The following SSBP2 variants were observed in gnomAD, a reference collection of about 807,000 sequenced individuals.
The protein encoded by SSBP2 is single-stranded DNA-binding protein 2.
In SSBP2, 17 loss-of-function variants were observed where a neutral mutation model predicts 61.8. The observed-to-expected ratio is 0.28, with a 90% CI of 0.19 to 0.41. SSBP2 has a LOEUF of 0.41. Ranked by LOEUF, SSBP2 falls within the 10% of genes least tolerant of loss-of-function variation. The pLI is 1.00. For synonymous variants in SSBP2, 139 were observed against 141.3 expected (o/e 0.98, Z 0.12); for missense variants, 310 against 458.7 (o/e 0.68, Z 2.96).
Position 81,540,111 on chromosome 5 carries a change from A to T in SSBP2, c.283-26394T>A, listed in dbSNP as rs550001095. ...GGCTGCATAGTATTCCATGGTGTATATGTGCCACATTTTCTTTATCCAGTC... is the reference window on the plus strand; with the variant it reads ...GGCTGCATAGTATTCCATGGTGTATTTGTGCCACATTTTCTTTATCCAGTC... On this transcript the variant is annotated intron_variant, in intron 4 of 16. Transcript: ENST00000320672. Among the ~76,000 whole-genome samples the T allele has an allele frequency of 2.6e-5, 4 of 152,166 alleles. No individual in the cohort carries two copies. In the South Asian group the frequency reaches 6.2e-4, roughly 24 times the overall value.
intron 4 of SSBP2, among the ~76,000 whole-genome samples, chr5:81,559,150 G>A (rs141356450): frequency 0.042 from 6,366 of 152,102 alleles, 444 homozygotes; most frequent in African/African-American, 0.14. Flanking sequence ...CACTTTGAGA[G>A]GCCAAGGCAG....
chr5:81,704,186 T>C, intron 1 of SSBP2, among the ~76,000 whole-genome samples: 1 of 152,240 alleles, frequency 6.6e-6, no homozygotes, highest in Admixed American at 6.5e-5. Context: ...CACTGAGGCA[T>C]ATAATTAATG....
intron 5 of SSBP2, among the ~76,000 whole-genome samples, chr5:81,497,875 A>G (rs935240220): frequency 2.6e-5 from 4 of 152,242 alleles, no homozygotes; most frequent in South Asian, 2.1e-4. Context: ...GCACAAAAGG[A>G]TATCAGGTTA....
chr5:81,428,571 AAGGG>A lies in SSBP2; in HGVS notation c.1056+10_1056+13del, dbSNP rs1561385033. ...AATAAAATTTGAGTATAATATAGTC[AAGGG>A]AATACTTACACTCTCACTCTGAAAA... On this transcript the variant is annotated intron_variant, in intron 16 of 16. Coordinates refer to ENST00000320672, the MANE Select transcript of SSBP2 (RefSeq NM_012446.5). The A allele has an allele frequency of 6.3e-7, 1 of 1,598,238 alleles. No homozygotes were observed. The highest frequency in any genetic ancestry group is 8.6e-7 in the Non-Finnish European group (1 of 1,166,074).
chr5:81,590,871 G>T (rs886129447), intron 4 of SSBP2, among the ~76,000 whole-genome samples: 1 of 152,178 alleles, frequency 6.6e-6, no homozygotes, highest in Non-Finnish European at 1.5e-5. Flanking sequence ...TGGGGAAGAA[G>T]TAGGAAAACA....
Position 81,483,807 on chromosome 5 carries a change from T to C in SSBP2, c.432+5443A>G, listed in dbSNP as rs555002309. 4.3e-4 allele frequency among the ~76,000 whole-genome samples: 66 copies of C among 152,262 alleles called. 2 individuals carry two copies. In the South Asian group the frequency reaches 0.013, roughly 31 times the overall value. Reference sequence around the variant, plus strand: ...CACATTTATACTTTTCTTTTTTCTATATTTCAACAACTGCAACTGTGCTGT... The same window carrying C: ...CACATTTATACTTTTCTTTTTTCTACATTTCAACAACTGCAACTGTGCTGT... On this transcript the variant is annotated intron_variant, in intron 6 of 16. Transcript: ENST00000320672.
At chr5:81,668,988 T>C (rs1010691946) in intron 1 of SSBP2, among the ~76,000 whole-genome samples, 3 of 152,188 alleles carry the variant, frequency 2.0e-5, no homozygotes, top group Non-Finnish European at 2.9e-5. Flanking sequence ...GAAAAAAGTA[T>C]ATAAAAAGTT....
At chr5:81,638,459 G>T (rs1423263801) in intron 2 of SSBP2, among the ~76,000 whole-genome samples, 1 of 151,822 alleles carries the variant, frequency 6.6e-6, no homozygotes, top group Non-Finnish European at 1.5e-5. Context: ...GGAGGCAGAG[G>T]TTGCAGTGAG....
chr5:81,531,063 A>AAAACC (rs1770356985), intron 4 of SSBP2, among the ~76,000 whole-genome samples: 1 of 151,672 alleles, frequency 6.6e-6, no homozygotes, highest in Non-Finnish European at 1.5e-5. Context: ...AACCAAAACC[A>AAAACC]AAACCAAACC....
chr5:81,622,099 A>C (rs1390702246), intron 3 of SSBP2, among the ~76,000 whole-genome samples: 2 of 143,110 alleles, frequency 1.4e-5, no homozygotes, highest in Non-Finnish European at 3.1e-5. Context: ...TAAAACTTAG[A>C]GTATAATAAA....
chr5:81,508,967 G>C (rs947073781), intron 5 of SSBP2, among the ~76,000 whole-genome samples: 1 of 152,086 alleles, frequency 6.6e-6, no homozygotes, highest in Non-Finnish European at 1.5e-5. Context: ...CTCAAAATAA[G>C]CTTTGCATTT....
chr5:81,750,333 C>G (rs1222605257), intron 1 of SSBP2, among the ~76,000 whole-genome samples: 2 of 147,380 alleles, frequency 1.4e-5, no homozygotes, highest in African/African-American at 4.9e-5. Context: ...GCCCGGACGC[C>G]CAACCCGCAC....
chr5:81,610,259 A>G (rs1283920007), intron 4 of SSBP2, among the ~76,000 whole-genome samples: 1 of 152,178 alleles, frequency 6.6e-6, no homozygotes, highest in East Asian at 1.9e-4. Flanking sequence ...ACTGAGAAAA[A>G]TCCTGTGTCA....
At chr5:81,461,135 C>T (rs913619332) in intron 9 of SSBP2, 32 bp from the exon 10 acceptor site, 2 of 1,531,976 alleles carry the variant, frequency 1.3e-6, no homozygotes, top group Non-Finnish European at 8.8e-7. Context: ...GAAATTTTAA[C>T]CTATGCTTTG....
chr5:81,695,522 CCGG>C (rs1753540003), intron 1 of SSBP2, among the ~76,000 whole-genome samples: 1 of 139,546 alleles, frequency 7.2e-6, no homozygotes, highest in African/African-American at 2.7e-5. Context: ...ACGACAGGCC[CCGG>C]TGTGTGATGT....
intron 1 of SSBP2, among the ~76,000 whole-genome samples, chr5:81,717,809 G>A (rs1326041405): frequency 6.6e-6 from 1 of 152,082 alleles, no homozygotes; most frequent in Non-Finnish European, 1.5e-5. Flanking sequence ...TATTTCCTAA[G>A]AAGAGTTTTC....
At chr5:81,616,566 GC>G (rs1746063691) in intron 3 of SSBP2, 1 of 148,748 alleles carries the variant, frequency 6.7e-6, no homozygotes, top group South Asian at 2.1e-4. Context: ...GGTAAACAAA[GC>G]AGCCGGGAAG....
At chr5:81,657,967 TGTCTTGATACATGTATATATTGTGGA>T (rs1175179812) in intron 1 of SSBP2, among the ~76,000 whole-genome samples, 13 of 152,298 alleles carry the variant, frequency 8.5e-5, no homozygotes, top group Middle Eastern at 3.4e-3. Flanking sequence ...TACAACATGA[TGTCTTGATACATGTATATATTGTGGA>T]ATGACCAAAT....
chr5:81,710,796 A>T, intron 1 of SSBP2: 1 of 406,908 alleles, frequency 2.5e-6, no homozygotes, highest in Non-Finnish European at 4.9e-6. Flanking sequence ...AATATGTTTT[A>T]ATATAAGGAA....
Sources: allele counts gnomAD v4.1 joint callset (sites outside exome capture counted in the v4.1 genomes callset), GRCh38; gene constraint gnomAD v4.1.1; transcripts MANE v1.5; gene names NCBI Gene and HGNC (gene_info 2026-07-23, HGNC 2026-07-21).